Variants in ARHGAP26 observed in about 807,000 individuals in gnomAD.
ARHGAP26 encodes rho GTPase-activating protein 26.
Under a neutral mutation model 104.8 loss-of-function variants are expected in ARHGAP26, and 38 were observed. The ratio of observed to expected loss-of-function variants is 0.36; its 90% CI spans 0.28 to 0.48. The LOEUF (loss-of-function observed/expected upper bound fraction) is 0.48, where lower values mean the gene tolerates loss of function less well. Among genes scored for constraint, ARHGAP26 ranks in the 20% least tolerant of loss-of-function variants. The pLI, the probability that ARHGAP26 is intolerant of heterozygous loss-of-function variation, is 0.99. For synonymous variants in ARHGAP26, 341 were observed against 340.0 expected (o/e 1.00, Z -0.03); for missense variants, 704 against 947.9 (o/e 0.74, Z 3.38).
chr5:143,182,271 A>G (rs1289717294), intron 20 of ARHGAP26, among the ~76,000 whole-genome samples: 2 of 152,196 alleles, frequency 1.3e-5, no homozygotes, highest in African/African-American at 4.8e-5. Context: ...ACCCACTGGG[A>G]GTTGGCCTTA....
intron 1 of ARHGAP26, among the ~76,000 whole-genome samples, chr5:142,786,118 T>A (rs1758564055): frequency 6.6e-6 from 1 of 151,740 alleles, no homozygotes; most frequent in South Asian, 2.1e-4. Flanking sequence ...CTACTGGCTT[T>A]TGCCACTATG....
At chr5:143,010,204 A>T (rs1005325302) in intron 11 of ARHGAP26, among the ~76,000 whole-genome samples, 1 of 152,172 alleles carries the variant, frequency 6.6e-6, no homozygotes, top group African/African-American at 2.4e-5. Flanking sequence ...AATACCAACC[A>T]CTGGAGTGAC....
At chr5:143,098,451 G>T (rs1792737840) in intron 17 of ARHGAP26, among the ~76,000 whole-genome samples, 1 of 152,074 alleles carries the variant, frequency 6.6e-6, no homozygotes, top group South Asian at 2.1e-4. Flanking sequence ...ATTAGTATGG[G>T]AAGTTTAATT....
Position 143,121,089 on chromosome 5 carries a change from T to C in ARHGAP26, c.1640T>C (p.Ile547Thr). ...CCTCAGGAAGAAACAGTAGCAGCCATCATGGACATCAAATTTCAGAACATT... is the reference window on the plus strand; with the variant it reads ...CCTCAGGAAGAAACAGTAGCAGCCACCATGGACATCAAATTTCAGAACATT... ...LRPQEETVAA[I>T]MDIKFQNIVI... Residue 547 changes from isoleucine to threonine, a missense_variant, in exon 18 of 23, where the codon ATC becomes ACC. Coordinates refer to ENST00000645722, the MANE Select transcript of ARHGAP26 (RefSeq NM_001135608.3). The C allele has an allele frequency of 3.1e-6, 5 of 1,613,620 alleles. No individual in the cohort carries two copies. The highest frequency in any genetic ancestry group is 4.2e-6 in the Non-Finnish European group (5 of 1,179,642).
chr5:143,117,685 C>CT (rs1046805778), intron 17 of ARHGAP26, among the ~76,000 whole-genome samples: 15 of 152,182 alleles, frequency 9.9e-5, no homozygotes, highest in Middle Eastern at 3.4e-3. Context: ...ATTAATATAC[C>CT]TTTTTTCCAA....
At chr5:143,057,799 C>T (rs771317976) in intron 17 of ARHGAP26, 52 bp downstream of exon 17, 1 of 1,453,816 alleles carries the variant, frequency 6.9e-7, no homozygotes. Context: ...AAGTTCTTAT[C>T]TTAGCAGTGA....
chr5:143,017,567 A>G (rs1243193686), intron 12 of ARHGAP26, among the ~76,000 whole-genome samples: 1 of 151,878 alleles, frequency 6.6e-6, no homozygotes, highest in Non-Finnish European at 1.5e-5. Context: ...CTTTTTTCTA[A>G]AATGTGTGTC....
chr5:142,847,311 A>C (rs763096822), intron 1 of ARHGAP26, among the ~76,000 whole-genome samples: 7 of 151,998 alleles, frequency 4.6e-5, no homozygotes, highest in Non-Finnish European at 1.0e-4. Context: ...AGCCTTGGGG[A>C]AGCTGCCTCA....
At chr5:142,984,868 A>AT (rs1416947367) in intron 11 of ARHGAP26, among the ~76,000 whole-genome samples, 1 of 152,048 alleles carries the variant, frequency 6.6e-6, no homozygotes, top group African/African-American at 2.4e-5. Context: ...TAGTTTATGT[A>AT]TTTACTACAG....
intron 9 of ARHGAP26, among the ~76,000 whole-genome samples, chr5:142,911,914 G>T (rs116735057): frequency 0.012 from 1,821 of 152,292 alleles, 37 homozygotes; most frequent in African/African-American, 0.041. Flanking sequence ...TAGGTATAAG[G>T]CCTGTGAATA....
chr5:143,150,609 G>A (rs1252662488), intron 20 of ARHGAP26, among the ~76,000 whole-genome samples: 1 of 152,146 alleles, frequency 6.6e-6, no homozygotes, highest in Non-Finnish European at 1.5e-5. Context: ...GGAGGAGGGA[G>A]CTGGAATTCC....
intron 14 of ARHGAP26, among the ~76,000 whole-genome samples, chr5:143,046,644 T>C (rs956614017): frequency 2.0e-5 from 3 of 151,520 alleles, no homozygotes. Flanking sequence ...TGTCTGGGGG[T>C]TTTCCCCCCT....
At chr5:142,894,160 T>C in intron 5 of ARHGAP26, 78 bp from the exon 6 acceptor site, 2 of 1,159,050 alleles carry the variant, frequency 1.7e-6, no homozygotes, top group Non-Finnish European at 2.5e-6. Flanking sequence ...CCCGAGATTT[T>C]TTTTTTCTGA....
chr5:143,221,610 C>A (rs1310531464), intron 22 of ARHGAP26, among the ~76,000 whole-genome samples: 3 of 152,094 alleles, frequency 2.0e-5, no homozygotes, highest in Non-Finnish European at 4.4e-5. Flanking sequence ...ACCTGCTGAG[C>A]CCAAGCGATC....
At chr5:143,171,387 G>A (rs1330531233) in intron 20 of ARHGAP26, among the ~76,000 whole-genome samples, 1 of 152,164 alleles carries the variant, frequency 6.6e-6, no homozygotes, top group Non-Finnish European at 1.5e-5. Flanking sequence ...ATGGTTTGTA[G>A]CCCTAGATGA....
rs758433155 is a variant in ARHGAP26, at chr5:143,057,763, A to G, written c.1538+16A>G. 6.3e-7 allele frequency: 1 copy of G among 1,599,898 alleles called. No individual in the cohort carries two copies. The highest frequency in any genetic ancestry group is 8.6e-7 in the Non-Finnish European group (1 of 1,167,412). On this transcript the variant is annotated intron_variant, in intron 17 of 22. Coordinates refer to ENST00000645722, the MANE Select transcript of ARHGAP26 (RefSeq NM_001135608.3). The stretch of plus-strand genomic sequence containing the variant: ...ACTTGGCAAAGTAGGTTTAAGACCA[A>G]TTACTAGCCTTTTTCTTACCCCTGA...
rs969201268 is a variant in ARHGAP26 at position 142,956,591 on chromosome 5, TA to T, written c.1107+24472del. 5.2e-4 allele frequency among the ~76,000 whole-genome samples: 79 copies of T among 151,874 alleles called. 1 individual carries two copies. The highest frequency in any genetic ancestry group is 1.8e-3 in the African/African-American group (73 of 41,412). Reference sequence around the variant, plus strand: ...CTGTCTCAAACAAAACAAAACAAAATAAAAAAGCAGGGCAAACAGAAATTGT... The same window carrying T: ...CTGTCTCAAACAAAACAAAACAAAATAAAAAGCAGGGCAAACAGAAATTGT... On this transcript the variant is annotated intron_variant, in intron 11 of 22. Transcript: ENST00000645722.
intron 9 of ARHGAP26, among the ~76,000 whole-genome samples, chr5:142,908,530 G>A (rs1227077547): frequency 6.6e-6 from 1 of 152,198 alleles, no homozygotes; most frequent in Non-Finnish European, 1.5e-5. Flanking sequence ...CCTCAGGGCA[G>A]CAAAAGGTTT....
At chr5:142,792,185 A>G (rs1250656205) in intron 1 of ARHGAP26, among the ~76,000 whole-genome samples, 2 of 152,188 alleles carry the variant, frequency 1.3e-5, no homozygotes, top group African/African-American at 2.4e-5. Context: ...CCCTCAGGGC[A>G]TAGTTTCTGC....
Sources: allele counts gnomAD v4.1 joint callset (sites outside exome capture counted in the v4.1 genomes callset), GRCh38; gene constraint gnomAD v4.1.1; transcripts MANE v1.5; gene names NCBI Gene and HGNC (gene_info 2026-07-23, HGNC 2026-07-21).